Variants in AFF2 observed in about 807,000 individuals in gnomAD.
The protein encoded by AFF2 is AF4/FMR2 family member 2.
AFF2 carries 14 observed loss-of-function variants against 76.9 expected under a neutral mutation model. That is an observed-to-expected ratio of 0.18 (90% CI 0.12 to 0.28). The LOEUF is 0.28. Among genes scored for constraint, AFF2 ranks in the 10% least tolerant of loss-of-function variants. The pLI, the probability that AFF2 is intolerant of heterozygous loss-of-function variation, is 1.00. For synonymous variants in AFF2, 398 were observed against 366.7 expected (o/e 1.09, Z -0.98); for missense variants, 868 against 1,001.1 (o/e 0.87, Z 1.79).
At chrX:148,725,529 C>A (rs1557264178) in intron 3 of AFF2, among the ~76,000 whole-genome samples, 1 of 111,652 alleles carries the variant, frequency 9.0e-6, no homozygotes, top group African/African-American at 3.3e-5. Context: ...GAGTTTGGGT[C>A]CTAAGAAAAC....
chrX:148,706,036 T>G (rs2054880628), intron 3 of AFF2, among the ~76,000 whole-genome samples: 1 of 112,110 alleles, frequency 8.9e-6, no homozygotes, highest in African/African-American at 3.2e-5. Flanking sequence ...AACTTCAGTT[T>G]TAGTTGTACA....
rs1400467356 is a variant in AFF2 at position 148,581,592 on chromosome X, A to ATATACG, written c.48-70399_48-70394dup. Among the ~76,000 whole-genome samples the ATATACG allele has an allele frequency of 3.2e-4, 22 of 68,431 alleles. 1 individual carries two copies. Among genetic ancestry groups the ATATACG allele is most frequent in the South Asian group, 7.3e-4 (1 of 1,362 alleles). The allele number at this position is 68,431 out of a possible 115,157, so 59.4% of individuals were successfully genotyped here. ...CGTATACGTATACGTGTACACACAT[A>ATATACG]TATACGTATACGTGTACACACATAT... On this transcript the variant is annotated intron_variant, in intron 1 of 20. Coordinates refer to ENST00000370460, the MANE Select transcript of AFF2 (RefSeq NM_002025.4).
chrX:148,525,666 A>G (rs782632124), intron 1 of AFF2, among the ~76,000 whole-genome samples: 1 of 112,266 alleles, frequency 8.9e-6, no homozygotes, highest in South Asian at 3.7e-4. Context: ...GTAATTTTAT[A>G]GTATCATTAA....
In AFF2 at chrX:148,958,349, G is replaced by T; in HGVS notation, c.2581G>T (p.Ala861Ser). Residue 861 changes from alanine to serine, a missense_variant, in exon 12 of 21, where the codon GCA becomes TCA. This residue lies in a region of AFF2 where 532 missense variants were observed against 564.2 expected (regional missense o/e 0.94). Transcript: ENST00000370460. Reference sequence around the variant, plus strand: ...TTCCCTGTTAAAGCCAATAGAAGTTGCAGAGAAGATCCCTGAGAAGAAGCA... The same window carrying T: ...TTCCCTGTTAAAGCCAATAGAAGTTTCAGAGAAGATCCCTGAGAAGAAGCA... Reference protein sequence around the residue: ...GKRKHKPIEVAEKIPEKKQRL... With the variant: ...GKRKHKPIEVSEKIPEKKQRL... 1 of 1,211,255 alleles carries T rather than the reference G, an allele frequency of 8.3e-7. No homozygotes were observed. Among genetic ancestry groups the T allele is most frequent in the Middle Eastern group, 2.3e-4 (1 of 4,351 alleles).
intron 3 of AFF2, among the ~76,000 whole-genome samples, chrX:148,770,396 G>C (rs1557268028): frequency 8.9e-6 from 1 of 111,907 alleles, no homozygotes. Flanking sequence ...GTTACTCCTA[G>C]ATACACTTTA....
chrX:148,989,787 A>C (rs2052056), intron 20 of AFF2, among the ~76,000 whole-genome samples: 15,167 of 111,895 alleles, frequency 0.14, 2,398 homozygotes, highest in African/African-American at 0.46. Context: ...TACTGCCCAC[A>C]ATGCAGCTGC....
At chrX:148,677,035 G>T (rs1005486226) in intron 3 of AFF2, among the ~76,000 whole-genome samples, 1 of 111,048 alleles carries the variant, frequency 9.0e-6, no homozygotes, top group Non-Finnish European at 1.9e-5. Flanking sequence ...GATTGAAAAG[G>T]CTGTTGAAAT....
intron 7 of AFF2, among the ~76,000 whole-genome samples, chrX:148,850,162 T>C (rs1442880306): frequency 9.0e-6 from 1 of 111,047 alleles, no homozygotes; most frequent in East Asian, 2.8e-4. Flanking sequence ...AAAATAAAAT[T>C]CATATAAGAT....
chrX:148,975,285 C>T (rs890606713), intron 16 of AFF2, among the ~76,000 whole-genome samples: 1 of 111,780 alleles, frequency 8.9e-6, no homozygotes, highest in Non-Finnish European at 1.9e-5. Context: ...AACAAGTAAT[C>T]GGTATGATGT....
intron 1 of AFF2, among the ~76,000 whole-genome samples, chrX:148,617,561 G>A (rs782677028): frequency 8.9e-6 from 1 of 112,220 alleles, no homozygotes; most frequent in Admixed American, 9.4e-5. Flanking sequence ...TTGCTGTGCA[G>A]AATTTAGTTG....
At chrX:148,908,246 G>A (rs1419918824) in intron 9 of AFF2, among the ~76,000 whole-genome samples, 1 of 111,614 alleles carries the variant, frequency 9.0e-6, no homozygotes, top group Non-Finnish European at 1.9e-5. Flanking sequence ...CGAAGATGAT[G>A]GGATTAAGAG....
At position 148,925,159 on chromosome X, in the gene AFF2, T is replaced by A. The variant is rs192391269; in HGVS notation, c.1397+20901T>A. ...ATCCTGTCTAATCTGTAAATCCCTATCTGCTAATGTGTAGCTTCCTGTCAG... is the reference window on the plus strand; with the variant it reads ...ATCCTGTCTAATCTGTAAATCCCTAACTGCTAATGTGTAGCTTCCTGTCAG... On this transcript the variant is annotated intron_variant, in intron 9 of 20. Transcript: ENST00000370460. Among the ~76,000 whole-genome samples, 216 of 112,520 alleles carry A rather than the reference T, an allele frequency of 1.9e-3. 1 individual carries two copies. The highest frequency in any genetic ancestry group is 3.4e-3 in the Non-Finnish European group (180 of 53,241).
chrX:148,905,235 C>T (rs782048592), intron 9 of AFF2, among the ~76,000 whole-genome samples: 8 of 112,251 alleles, frequency 7.1e-5, no homozygotes, highest in African/African-American at 1.3e-4. Context: ...AGCCCTAGTA[C>T]GTTTTTCCAA....
At chrX:148,942,781 A>G (rs2071853731) in intron 9 of AFF2, among the ~76,000 whole-genome samples, 1 of 103,640 alleles carries the variant, frequency 9.6e-6, no homozygotes, top group African/African-American at 3.5e-5. Context: ...GCGCCACTGC[A>G]CTCCAGCCCA....
intron 9 of AFF2, among the ~76,000 whole-genome samples, chrX:148,909,198 T>C (rs2071442636): frequency 8.9e-6 from 1 of 112,309 alleles, no homozygotes; most frequent in Non-Finnish European, 1.9e-5. Flanking sequence ...ACTCACTACC[T>C]TTGAAAATCA....
chrX:148,500,705 C>G lies in AFF2; in HGVS notation c.-393C>G. 1 of 95,512 alleles carries G rather than the reference C, an allele frequency of 1.0e-5. No individual in the cohort carries two copies. Among genetic ancestry groups the G allele is most frequent in the East Asian group, 3.5e-4 (1 of 2,872 alleles). The allele number at this position is 95,512 out of a possible 1,213,427, so 7.9% of individuals were successfully genotyped here. On this transcript the variant is annotated 5_prime_UTR_variant, in exon 1 of 21. Transcript: ENST00000370460. ...GCCGCTGCCGCCCCGGCTGCCGCGC[C>G]GCGCCGCTGCCTCTGCCCCGGCCGC...
chrX:148,702,922 A>G (rs2054821546), intron 3 of AFF2, among the ~76,000 whole-genome samples: 1 of 111,715 alleles, frequency 9.0e-6, no homozygotes, highest in Non-Finnish European at 1.9e-5. Context: ...GCCCCTCTAG[A>G]CTCACTTGGA....
intron 9 of AFF2, among the ~76,000 whole-genome samples, chrX:148,911,286 C>A (rs1323830550): frequency 9.0e-6 from 1 of 111,312 alleles, no homozygotes; most frequent in Non-Finnish European, 1.9e-5. Context: ...GCTCCAAAGA[C>A]ACTTGGTAAA....
rs781985851 is a variant in AFF2, at chrX:148,688,572, A to T, written c.1041+25804A>T. ...GCAAGGAGTATAGTGAAATTAATTT[A>T]TCATTGTATCCCTTGTACCTAGCAC... On this transcript the variant is annotated intron_variant, in intron 3 of 20. Coordinates refer to ENST00000370460, the MANE Select transcript of AFF2 (RefSeq NM_002025.4). Among the ~76,000 whole-genome samples the T allele has an allele frequency of 2.7e-5, 3 of 111,482 alleles. No individual in the cohort carries two copies. In the South Asian group the frequency reaches 1.1e-3, roughly 43 times the overall value.
Sources: gnomAD v4.1 joint callset for allele counts (sites outside exome capture counted in the v4.1 genomes callset) on GRCh38, gnomAD v4.1.1 for gene constraint, gnomAD v4.1.1 regional missense constraint, MANE v1.5 for transcripts, NCBI Gene and HGNC (gene_info 2026-07-23, HGNC 2026-07-21) for gene names.